The following FHIT variants were observed in gnomAD, a reference collection of about 807,000 sequenced individuals.
The protein encoded by FHIT is bis(5'-adenosyl)-triphosphatase.
A neutral mutation model predicts 17.9 loss-of-function variants in FHIT; 19 were observed. The ratio of observed to expected loss-of-function variants is 1.06; its 90% CI spans 0.74 to 1.56. The LOEUF is 1.56. Ranked by LOEUF, FHIT falls within the 40% of genes most tolerant of loss-of-function variation. FHIT has a pLI of 0.00. For synonymous variants in FHIT, 81 were observed against 69.7 expected (o/e 1.16, Z -0.81); for missense variants, 248 against 189.2 (o/e 1.31, Z -1.82).
intron 4 of FHIT, among the ~76,000 whole-genome samples, chr3:60,624,614 A>T (rs1372255875): frequency 6.6e-6 from 1 of 152,232 alleles, no homozygotes; most frequent in African/African-American, 2.4e-5. Flanking sequence ...AACTGGATAA[A>T]GGCAGAATAA....
chr3:60,034,957 A>G (rs1701152628), intron 5 of FHIT, among the ~76,000 whole-genome samples: 1 of 152,222 alleles, frequency 6.6e-6, no homozygotes, highest in Non-Finnish European at 1.5e-5. Context: ...TATTATTATC[A>G]CTATCTCATT....
chr3:60,784,779 GA>G (rs1700507954), intron 4 of FHIT, among the ~76,000 whole-genome samples: 1 of 152,222 alleles, frequency 6.6e-6, no homozygotes. Flanking sequence ...GGGCCTTTGA[GA>G]GGTGATTAGG....
At chr3:60,263,905 G>C (rs1706431900) in intron 5 of FHIT, among the ~76,000 whole-genome samples, 1 of 151,638 alleles carries the variant, frequency 6.6e-6, no homozygotes, top group African/African-American at 2.4e-5. Context: ...AACTGGTCTG[G>C]AGAAAGTGAG....
intron 5 of FHIT, among the ~76,000 whole-genome samples, chr3:60,103,458 G>T (rs116813761): frequency 1.3e-5 from 2 of 152,130 alleles, no homozygotes; most frequent in East Asian, 3.9e-4. Flanking sequence ...CAAACACCAC[G>T]ATAAATTTGT....
In FHIT at chr3:60,614,809, G is replaced by GTTTTTTTTTTTT. The variant is rs147892145; in HGVS notation, c.-17-77831_-17-77830insAAAAAAAAAAAA. On this transcript the variant is annotated intron_variant, in intron 4 of 9. Transcript: ENST00000492590. Reference sequence around the variant, plus strand: ...CGATTTGTAAAAAATTGCAAAAGTTGTTTTTTTTTTGTTTTTTTTTTGTTT... The same window carrying GTTTTTTTTTTTT: ...CGATTTGTAAAAAATTGCAAAAGTTGTTTTTTTTTTTTTTTTTTTTTTGTTTTTTTTTTGTTT... Among the ~76,000 whole-genome samples the GTTTTTTTTTTTT allele has an allele frequency of 5.1e-5, 4 of 78,224 alleles. 1 individual carries two copies. The highest frequency in any genetic ancestry group is 7.2e-5 in the Non-Finnish European group (3 of 41,872). The allele number at this position is 78,224 out of a possible 152,430, so 51.3% of individuals were successfully genotyped here.
intron 4 of FHIT, among the ~76,000 whole-genome samples, chr3:60,766,660 A>AGAG (rs5849385): frequency 0.6 from 90,461 of 151,808 alleles, 29,027 homozygotes; most frequent in African/African-American, 0.84. Flanking sequence ...TTCAAATGGT[A>AGAG]GAGTCTCAAG....
intron 7 of FHIT, among the ~76,000 whole-genome samples, chr3:59,941,502 T>C (rs1010931299): frequency 3.3e-5 from 5 of 152,188 alleles, no homozygotes; most frequent in Admixed American, 2.0e-4. Flanking sequence ...TATCCCACAT[T>C]CTCTTTTATC....
chr3:59,853,509 G>A (rs639244), intron 8 of FHIT, among the ~76,000 whole-genome samples: 1 of 151,970 alleles, frequency 6.6e-6, no homozygotes, highest in Admixed American at 6.6e-5. Context: ...GTAATCTTCA[G>A]TCAATAAAAT....
At chr3:60,701,626 G>C (rs868974624) in intron 4 of FHIT, among the ~76,000 whole-genome samples, 1 of 152,146 alleles carries the variant, frequency 6.6e-6, no homozygotes, top group Non-Finnish European at 1.5e-5. Flanking sequence ...GATCTATGGA[G>C]TGTAGGGTCT....
chr3:60,624,580 G>A (rs2033111631), intron 4 of FHIT, among the ~76,000 whole-genome samples: 1 of 152,196 alleles, frequency 6.6e-6, no homozygotes, highest in East Asian at 1.9e-4. Flanking sequence ...AAGAAGGGTG[G>A]GAATGGAGTC....
chr3:60,341,151 G>C (rs1018767088), intron 5 of FHIT, among the ~76,000 whole-genome samples: 7 of 152,148 alleles, frequency 4.6e-5, no homozygotes, highest in Non-Finnish European at 1.0e-4. Flanking sequence ...GTATATCCTT[G>C]AGTACACAGA....
intron 3 of FHIT, among the ~76,000 whole-genome samples, chr3:60,952,825 C>G (rs2107464235): frequency 6.6e-6 from 1 of 152,322 alleles, no homozygotes; most frequent in African/African-American, 2.4e-5. Flanking sequence ...TTTAGCCTTT[C>G]CACACAGTTG....
intron 8 of FHIT, among the ~76,000 whole-genome samples, chr3:59,785,382 T>C (rs139956528): frequency 8.3e-4 from 125 of 151,348 alleles, no homozygotes; most frequent in Non-Finnish European, 1.6e-3. Context: ...CGATCTTGGC[T>C]CACTGCAACC....
At chr3:61,122,284 G>C (rs1397763198) in intron 2 of FHIT, among the ~76,000 whole-genome samples, 4 of 152,166 alleles carry the variant, frequency 2.6e-5, no homozygotes, top group African/African-American at 9.7e-5. Context: ...AATGGTGTTG[G>C]AAAAACTGGC....
intron 5 of FHIT, among the ~76,000 whole-genome samples, chr3:60,495,535 C>G (rs1453524325): frequency 2.6e-5 from 4 of 151,870 alleles, no homozygotes; most frequent in Non-Finnish European, 5.9e-5. Flanking sequence ...AAAATCCAAG[C>G]CATTATTGAC....
At chr3:60,586,991 A>C (rs1448958152) in intron 4 of FHIT, among the ~76,000 whole-genome samples, 1 of 152,022 alleles carries the variant, frequency 6.6e-6, no homozygotes, top group Non-Finnish European at 1.5e-5. Flanking sequence ...CCCTGAACCT[A>C]AAATAAAAAT....
intron 5 of FHIT, among the ~76,000 whole-genome samples, chr3:60,267,638 C>T (rs1421759043): frequency 6.6e-6 from 1 of 152,010 alleles, no homozygotes; most frequent in Admixed American, 6.6e-5. Flanking sequence ...AACATATGAC[C>T]GTTCTTCCAC....
At chr3:61,173,413 T>C (rs75348221) in intron 2 of FHIT, among the ~76,000 whole-genome samples, 6,042 of 152,300 alleles carry the variant, frequency 0.04, 145 homozygotes, top group Middle Eastern at 0.051. Context: ...ATAACCTCAT[T>C]GTATGTGTGT....
chr3:59,922,732 A>G (rs182208435), intron 7 of FHIT, among the ~76,000 whole-genome samples: 1 of 152,334 alleles, frequency 6.6e-6, no homozygotes, highest in Admixed American at 6.5e-5. Context: ...GTGCATCTTC[A>G]AAGGTGACCA....
Sources: allele counts gnomAD v4.1 joint callset (sites outside exome capture counted in the v4.1 genomes callset), GRCh38; gene constraint gnomAD v4.1.1; transcripts MANE v1.5; gene names NCBI Gene and HGNC (gene_info 2026-07-23, HGNC 2026-07-21).